Variants in TMEM132D observed in about 807,000 individuals in gnomAD.
The protein encoded by TMEM132D is transmembrane protein 132D, also known as mature OL transmembrane protein.
Under a neutral mutation model 62.3 loss-of-function variants are expected in TMEM132D, and 21 were observed. The observed-to-expected ratio is 0.34, with a 90% CI of 0.24 to 0.49. The LOEUF is 0.49. TMEM132D is among the 20% of genes least tolerant of loss of function. The probability of loss-of-function intolerance (pLI) is 0.99; values close to 1 mark genes in which losing one functional copy is unlikely to be tolerated. For missense variants in TMEM132D, 1,346 were observed against 1,402.8 expected (o/e 0.96, Z 0.65); for synonymous variants, 621 against 575.6 (o/e 1.08, Z -1.13).
chr12:129,157,701 C>A (rs1158314945), intron 5 of TMEM132D, among the ~76,000 whole-genome samples: 1 of 152,104 alleles, frequency 6.6e-6, no homozygotes, highest in Admixed American at 6.5e-5. Flanking sequence ...AACCACAGAC[C>A]ATCTGGTCTT....
At chr12:129,599,029 CT>C (rs1264333506) in intron 2 of TMEM132D, among the ~76,000 whole-genome samples, 1 of 152,160 alleles carries the variant, frequency 6.6e-6, no homozygotes. Flanking sequence ...TCTCTTTCCC[CT>C]GGGGTTGTTG....
At chr12:129,590,330 G>T (rs1419777140) in intron 2 of TMEM132D, among the ~76,000 whole-genome samples, 2 of 152,150 alleles carry the variant, frequency 1.3e-5, no homozygotes, top group Non-Finnish European at 2.9e-5. Flanking sequence ...GCCACGGCTG[G>T]AACAGATCGC....
intron 3 of TMEM132D, among the ~76,000 whole-genome samples, chr12:129,480,625 T>A (rs1243670809): frequency 6.6e-6 from 1 of 152,198 alleles, no homozygotes; most frequent in Non-Finnish European, 1.5e-5. Flanking sequence ...ATACCTTCTT[T>A]GAAACCCCAC....
chr12:129,815,889 T>C (rs1452620978), intron 1 of TMEM132D, among the ~76,000 whole-genome samples: 2 of 152,220 alleles, frequency 1.3e-5, no homozygotes, highest in African/African-American at 4.8e-5. Context: ...ATGAATTCAA[T>C]GTAAGTGAAG....
intron 4 of TMEM132D, among the ~76,000 whole-genome samples, chr12:129,315,045 A>G (rs1868438261): frequency 6.6e-6 from 1 of 152,094 alleles, no homozygotes; most frequent in South Asian, 2.1e-4. Context: ...AGCTTTCAGG[A>G]GGAGTACTTA....
At chr12:129,482,553 G>A (rs1049321332) in intron 3 of TMEM132D, among the ~76,000 whole-genome samples, 1 of 152,134 alleles carries the variant, frequency 6.6e-6, no homozygotes, top group Non-Finnish European at 1.5e-5. Context: ...GGGATGAGGT[G>A]GAGATTGCTG....
intron 3 of TMEM132D, among the ~76,000 whole-genome samples, chr12:129,427,434 A>T (rs1272875618): frequency 1.3e-5 from 2 of 152,016 alleles, no homozygotes; most frequent in Middle Eastern, 3.2e-3. Context: ...CAGGGATAGC[A>T]TTAGGAGATA....
chr12:129,274,674 C>T (rs1044553102), intron 4 of TMEM132D, among the ~76,000 whole-genome samples: 1 of 151,988 alleles, frequency 6.6e-6, no homozygotes, highest in Non-Finnish European at 1.5e-5. Flanking sequence ...ATCACAAGGT[C>T]AGGAGATCGA....
At chr12:129,254,021 G>C (rs11060224) in intron 4 of TMEM132D, among the ~76,000 whole-genome samples, 7,247 of 152,236 alleles carry the variant, frequency 0.048, 383 homozygotes, top group Admixed American at 0.16. Flanking sequence ...GACTTCCTTG[G>C]ATAAAGCAAA....
intron 2 of TMEM132D, among the ~76,000 whole-genome samples, chr12:129,569,666 C>T (rs986378414): frequency 2.0e-5 from 3 of 152,134 alleles, no homozygotes; most frequent in East Asian, 1.9e-4. Flanking sequence ...GGTTACACAG[C>T]GTGCCGATTT....
intron 3 of TMEM132D, among the ~76,000 whole-genome samples, chr12:129,356,594 G>C (rs2135671301): frequency 6.6e-6 from 1 of 151,248 alleles, no homozygotes; most frequent in East Asian, 2.0e-4. Flanking sequence ...TAGGCGGGAG[G>C]GCTGCTTGAC....
chr12:129,760,354 T>C (rs148745477), intron 1 of TMEM132D, among the ~76,000 whole-genome samples: 17 of 130,846 alleles, frequency 1.3e-4, no homozygotes, highest in Non-Finnish European at 1.7e-4. Context: ...TTTTTTGAGA[T>C]GGAGTCTCGC....
At chr12:129,778,407 C>T (rs1039630663) in intron 1 of TMEM132D, among the ~76,000 whole-genome samples, 1 of 152,080 alleles carries the variant, frequency 6.6e-6, no homozygotes, top group Non-Finnish European at 1.5e-5. Flanking sequence ...GATCTGGATT[C>T]AACGCAGCTG....
chr12:129,846,165 C>G (rs1415215511), intron 1 of TMEM132D, among the ~76,000 whole-genome samples: 1 of 152,184 alleles, frequency 6.6e-6, no homozygotes, highest in African/African-American at 2.4e-5. Flanking sequence ...CACCTCCTAC[C>G]TCAAACTGAC....
chr12:129,244,278 C>G (rs531220714), intron 4 of TMEM132D, among the ~76,000 whole-genome samples: 32 of 150,050 alleles, frequency 2.1e-4, no homozygotes, highest in African/African-American at 6.9e-4. Context: ...CCCAGCTACT[C>G]GGGAGGCTGA....
chr12:129,765,308 T>G (rs1404877041), intron 1 of TMEM132D, among the ~76,000 whole-genome samples: 1 of 152,170 alleles, frequency 6.6e-6, no homozygotes, highest in Non-Finnish European at 1.5e-5. Context: ...GGCTCATGCC[T>G]GTAATCCCAG....
At chr12:129,078,818 G>T in intron 7 of TMEM132D, 93 bp from the exon 8 acceptor site, 1 of 1,339,134 alleles carries the variant, frequency 7.5e-7, no homozygotes, top group Non-Finnish European at 1.0e-6. Context: ...GCAGGCAGCG[G>T]CAGGGCAACA....
At chr12:129,583,307 T>C (rs1877931277) in intron 2 of TMEM132D, among the ~76,000 whole-genome samples, 1 of 152,192 alleles carries the variant, frequency 6.6e-6, no homozygotes, top group Non-Finnish European at 1.5e-5. Flanking sequence ...GGGAAGCAGA[T>C]CATTGGCTGC....
At chr12:129,565,651 T>A (rs1324279432) in intron 2 of TMEM132D, among the ~76,000 whole-genome samples, 2 of 152,168 alleles carry the variant, frequency 1.3e-5, no homozygotes, top group East Asian at 3.9e-4. Context: ...TTCTGCCTGG[T>A]CTTTCAGAGC....
Sources: allele counts gnomAD v4.1 joint callset (sites outside exome capture counted in the v4.1 genomes callset), GRCh38; gene constraint gnomAD v4.1.1; transcripts MANE v1.5; gene names NCBI Gene and HGNC (gene_info 2026-07-23, HGNC 2026-07-21).